Variants in LRRK1 observed in about 807,000 individuals in gnomAD.
The protein encoded by LRRK1 is leucine rich repeat kinase 1, also known as leucine-rich repeat serine/threonine-protein kinase 1.
A neutral mutation model predicts 209.1 loss-of-function variants in LRRK1; 113 were observed. The ratio of observed to expected loss-of-function variants is 0.54; its 90% CI spans 0.46 to 0.63. The LOEUF (loss-of-function observed/expected upper bound fraction) is 0.63. Ranked by LOEUF, LRRK1 falls within the 30% of genes least tolerant of loss-of-function variation. The pLI is 0.00. For missense variants in LRRK1, 2,284 were observed against 2,632.2 expected (o/e 0.87, Z 2.89); for synonymous variants, 1,144 against 1,099.7 (o/e 1.04, Z -0.80).
intron 7 of LRRK1, among the ~76,000 whole-genome samples, chr15:101,009,353 C>G (rs113847260): frequency 0.02 from 3,027 of 152,336 alleles, 49 homozygotes; most frequent in Non-Finnish European, 0.027. Context: ...GGCAGCCAAA[C>G]CTTCCCACAC....
intron 2 of LRRK1, among the ~76,000 whole-genome samples, chr15:100,956,450 T>TTTTTTTTTTTC (rs1567199278): frequency 8.7e-4 from 56 of 64,500 alleles, no homozygotes; most frequent in East Asian, 1.5e-3. Context: ...TTTCCTTTTT[T>TTTTTTTTTTTC]TTTTCTTTTT....
intron 13 of LRRK1, 60 bp from the exon 14 acceptor site, chr15:101,021,775 CGTGTGTGTGT>C (rs3031683): frequency 0.038 from 32,749 of 851,344 alleles, 1,616 homozygotes; most frequent in African/African-American, 0.25. Context: ...CACGTGTGTG[CGTGTGTGTGT>C]GTGTGTGTGT....
intron 2 of LRRK1, among the ~76,000 whole-genome samples, chr15:100,937,529 T>TTATC (rs2042322792): frequency 7.7e-6 from 1 of 130,642 alleles, no homozygotes; most frequent in Non-Finnish European, 1.6e-5. Flanking sequence ...ATTTATTTAT[T>TTATC]ATTTTATTTT....
In LRRK1 at chr15:101,078,188, CACTG is replaced by C. The variant is rs1189089438; in HGVS notation, c.*9344_*9347del. The C allele has an allele frequency of 6.6e-6, 1 of 152,254 alleles. No homozygotes were observed. The highest frequency in any genetic ancestry group is 2.4e-5 in the African/African-American group (1 of 41,444). 9.4% of individuals were successfully genotyped at this position (152,254 alleles called of 1,614,324 possible). A position where few individuals can be genotyped will look rare whatever the true frequency, so the allele number is the denominator to read the frequency against. On this transcript the variant is annotated 3_prime_UTR_variant, in exon 34 of 34. Coordinates refer to ENST00000388948, the MANE Select transcript of LRRK1 (RefSeq NM_024652.6). ...AAACGGCCCCACCCCCATCTCCCTG[CACTG>C]ACTCTCTTTTCGGACTCAGCCCGCC...
At chr15:100,931,722 C>T (rs973464104) in intron 2 of LRRK1, among the ~76,000 whole-genome samples, 6 of 152,156 alleles carry the variant, frequency 3.9e-5, no homozygotes, top group Non-Finnish European at 5.9e-5. Flanking sequence ...CTCCAGTGGG[C>T]CGTCACTCCA....
At chr15:101,045,875 G>C in intron 20 of LRRK1, 106 bp from the exon 21 acceptor site, 2 of 902,748 alleles carry the variant, frequency 2.2e-6, no homozygotes, top group Non-Finnish European at 1.8e-6. Context: ...AGCAGCCTGA[G>C]GTGTTCCAGC....
rs1246811487 is a variant in LRRK1 at position 101,027,046 on chromosome 15, T to C, written c.2406-215T>C. Among the ~76,000 whole-genome samples, 1 of 152,140 alleles carries C rather than the reference T, an allele frequency of 6.6e-6. No individual in the cohort carries two copies. The highest frequency in any genetic ancestry group is 1.5e-5 in the Non-Finnish European group (1 of 68,010). Reference sequence around the variant, plus strand: ...CACTTTCCTCCTCCGTGAAGTGCCATGTTTAGTCTGGGAAGACAGACTAAA... The same window carrying C: ...CACTTTCCTCCTCCGTGAAGTGCCACGTTTAGTCTGGGAAGACAGACTAAA... On this transcript the variant is annotated intron_variant, in intron 17 of 33. Transcript: ENST00000388948. This position sits in a 1 kb window ranked among gnomAD's most constrained non-coding sequence, Gnocchi z 5.1.
intron 2 of LRRK1, among the ~76,000 whole-genome samples, chr15:100,935,305 T>C (rs1053958547): frequency 2.6e-5 from 4 of 152,148 alleles, no homozygotes; most frequent in Non-Finnish European, 5.9e-5. Context: ...AGGTGGCATT[T>C]ACACAGAATG....
chr15:100,958,415 C>T (rs955541854), intron 2 of LRRK1, among the ~76,000 whole-genome samples: 7 of 152,146 alleles, frequency 4.6e-5, no homozygotes, highest in African/African-American at 1.7e-4. Context: ...GTTTTGGATA[C>T]GTCTGTACCT....
At position 100,924,625 on chromosome 15, in the gene LRRK1, A is replaced by G; in HGVS notation, c.-8A>G. 1 of 1,613,932 alleles carries G rather than the reference A, an allele frequency of 6.2e-7. No individual in the cohort carries two copies. Among genetic ancestry groups the G allele is most frequent in the Non-Finnish European group, 8.5e-7 (1 of 1,179,902 alleles). ...CCTGCCTTTGAAGATCGGCTGCTGC[A>G]AGGGTTGATGGCTGGCATGTCGCAA... On this transcript the variant is annotated 5_prime_UTR_variant, in exon 2 of 34. Transcript: ENST00000388948.
At chr15:100,968,695 C>CT in intron 2 of LRRK1, among the ~76,000 whole-genome samples, 1 of 77,098 alleles carries the variant, frequency 1.3e-5, no homozygotes, top group East Asian at 7.5e-4. Context: ...TCTTTCTTTC[C>CT]TTCCTTCCTT....
chr15:100,930,130 G>C (rs1455714769), intron 2 of LRRK1, among the ~76,000 whole-genome samples: 1 of 152,238 alleles, frequency 6.6e-6, no homozygotes, highest in Non-Finnish European at 1.5e-5. Context: ...GGCAGCTCTG[G>C]TAGGAAGTGG....
At chr15:101,026,567 G>C (rs1420196054) in intron 17 of LRRK1, among the ~76,000 whole-genome samples, 1 of 152,214 alleles carries the variant, frequency 6.6e-6, no homozygotes, top group Non-Finnish European at 1.5e-5. Context: ...CCAAGAGTTT[G>C]GAGGGGCTTT....
At chr15:100,932,526 T>C (rs2042230742) in intron 2 of LRRK1, among the ~76,000 whole-genome samples, 1 of 152,200 alleles carries the variant, frequency 6.6e-6, no homozygotes, top group Non-Finnish European at 1.5e-5. Flanking sequence ...TGAATATTAC[T>C]GCATATGCCC....
chr15:100,973,524 GC>G (rs1323230379), intron 2 of LRRK1, among the ~76,000 whole-genome samples: 1 of 152,196 alleles, frequency 6.6e-6, no homozygotes, highest in Non-Finnish European at 1.5e-5. Context: ...TCCCCCGCGG[GC>G]CGCTGTCCCC....
In LRRK1 at chr15:101,056,968, C is replaced by A. The variant is rs2035845790; in HGVS notation, c.4445C>A (p.Pro1482Gln). The part of the protein sequence containing the change: ...IAKKLSKGIR[P>Q]VLGQPEEVQF... The stretch of plus-strand genomic sequence containing the variant: ...AAGAAGCTGTCCAAGGGCATCCGCC[C>A]GGTTCTGGGGCAGCCGGAGGAAGTG... The change falls in exon 28 of 34, where the codon CCG becomes CAG. Residue 1482 changes from proline to glutamine, a missense_variant. By Grantham distance (76) the Pro-to-Gln change is moderately conservative. Around this residue, in one of 6 missense-constraint regions of LRRK1, gnomAD observed 59 missense variants for 103.8 expected, o/e 0.57. Transcript: ENST00000388948. 3.1e-6 allele frequency: 5 copies of A among 1,614,054 alleles called. No homozygotes were observed. Among genetic ancestry groups the A allele is most frequent in the Non-Finnish European group, 4.2e-6 (5 of 1,180,032 alleles).
Position 101,065,928 on chromosome 15 carries a change from C to T in LRRK1, c.5491C>T (p.His1831Tyr), listed in dbSNP as rs1387083676. ...SEELGTQILI[H>Y]QESLTDYCSM... ...GGAGCTGGGCACGCAGATCCTGATC[C>T]ACCAGGAATCACTCACTGACTACTG... is the stretch of plus-strand genomic sequence containing the variant. The change falls in exon 32 of 34, where the codon CAC becomes TAC. Residue 1831 changes from histidine (H) to tyrosine (Y), a missense_variant. Transcript: ENST00000388948. 6.2e-7 allele frequency: 1 copy of T among 1,614,166 alleles called. No individual in the cohort carries two copies. Among genetic ancestry groups the T allele is most frequent in the Non-Finnish European group, 8.5e-7 (1 of 1,180,020 alleles).
At chr15:101,007,087 A>G (rs1298830792) in intron 6 of LRRK1, among the ~76,000 whole-genome samples, 1 of 152,226 alleles carries the variant, frequency 6.6e-6, no homozygotes, top group Non-Finnish European at 1.5e-5. Flanking sequence ...GCGTAGGCCC[A>G]GTCTTTCCAA....
At chr15:101,028,817 A>G in intron 19 of LRRK1, 139 bp from the exon 20 acceptor site, 1 of 943,924 alleles carries the variant, frequency 1.1e-6, no homozygotes, top group Non-Finnish European at 1.6e-6. Flanking sequence ...AGCCCACCTG[A>G]AGGGTCCAGC....
Sources: gnomAD v4.1 joint callset for allele counts (sites outside exome capture counted in the v4.1 genomes callset) on GRCh38, gnomAD v4.1.1 for gene constraint, gnomAD v4.1.1 regional missense constraint, Gnocchi (gnomAD v3.1) non-coding constraint, MANE v1.5 for transcripts, NCBI Gene and HGNC (gene_info 2026-07-23, HGNC 2026-07-21) for gene names.